The following RPL35 variants were observed in gnomAD, a reference collection of about 807,000 sequenced individuals.
RPL35 encodes the protein large ribosomal subunit protein uL29.
RPL35 carries 2 observed loss-of-function variants against 15.6 expected under a neutral mutation model. The ratio of observed to expected loss-of-function variants is 0.13; its 90% CI spans 0.05 to 0.40. The LOEUF (loss-of-function observed/expected upper bound fraction) is 0.40. Among genes scored for constraint, RPL35 ranks in the 10% least tolerant of loss-of-function variants. RPL35 has a pLI of 0.99. For missense variants in RPL35, 111 were observed against 164.7 expected (o/e 0.67, Z 1.79); for synonymous variants, 93 against 67.9 (o/e 1.37, Z -1.82).
chr9:124,858,301 G>A lies in RPL35; in HGVS notation c.223-234C>T, dbSNP rs763382229. ...CTACTGGGCTGAGTGTCCAAGTCTT[G>A]GCAAAGCTGTGGAAGAGCCGGGGCT... is the stretch of plus-strand genomic sequence containing the variant. On this transcript the variant is annotated intron_variant, in intron 3 of 3. Transcript: ENST00000348462. 50 of 617,068 alleles carry A rather than the reference G, an allele frequency of 8.1e-5. No homozygotes were observed. In the South Asian group the frequency reaches 9.0e-4, roughly 11 times the overall value. 38.2% of individuals were successfully genotyped at this position (617,068 alleles called of 1,614,324 possible).
At chr9:124,858,142 AG>A in intron 3 of RPL35, 75 bp from the exon 4 acceptor site, 1 of 1,507,364 alleles carries the variant, frequency 6.6e-7, no homozygotes, top group Non-Finnish European at 9.0e-7. Flanking sequence ...GGGGCTGGGG[AG>A]GGCCATCCAG....
rs112248677 is a variant in RPL35 at position 124,861,300 on chromosome 9, G to C, written c.140+119C>G. On this transcript the variant is annotated intron_variant, in intron 2 of 3. Transcript: ENST00000348462. ...ACAACGGGTCTCCCATGCGCGCCAG[G>C]ATGCACGGAGTGGGCATCTAAGCGG... 8 of 1,288,200 alleles carry C rather than the reference G, an allele frequency of 6.2e-6. No homozygotes were observed. The African/African-American group carries it at 8.9e-5, about 14-fold the overall frequency. 79.8% of individuals were successfully genotyped at this position (1,288,200 alleles called of 1,614,324 possible).
intron 1 of RPL35, 157 bp downstream of exon 1, chr9:124,861,753 G>T: frequency 1.5e-6 from 2 of 1,337,454 alleles, no homozygotes; most frequent in Non-Finnish European, 2.0e-6. Context: ...CTCTCCCGGC[G>T]CCAAGCGAAG....
At chr9:124,860,516 C>T (rs1829180570) in intron 2 of RPL35, among the ~76,000 whole-genome samples, 1 of 152,126 alleles carries the variant, frequency 6.6e-6, no homozygotes, top group Non-Finnish European at 1.5e-5. Context: ...TCCCAGAACA[C>T]GAATTTATCC....
chr9:124,861,781 G>C, intron 1 of RPL35, 129 bp downstream of exon 1: 2 of 1,388,876 alleles, frequency 1.4e-6, no homozygotes, highest in South Asian at 2.8e-5. Flanking sequence ...TTGTGGTGGC[G>C]CCAGACCATT....
intron 1 of RPL35, 31 bp from the exon 2 acceptor site, chr9:124,861,586 G>C (rs761996040): frequency 1.9e-6 from 3 of 1,609,662 alleles, no homozygotes; most frequent in African/African-American, 1.3e-5. Flanking sequence ...GCCTCAGCCA[G>C]GCCGCGGGGC....
chr9:124,858,552 A>G (rs1829144550), intron 3 of RPL35: 1 of 713,652 alleles, frequency 1.4e-6, no homozygotes, highest in Admixed American at 2.0e-5. Flanking sequence ...ATGAACGTCC[A>G]GCCTCAGAGG....
chr9:124,857,977 T>G lies in RPL35; in HGVS notation c.313A>C (p.Lys105Gln), dbSNP rs556445890. 2.5e-6 allele frequency: 4 copies of G among 1,612,254 alleles called. No homozygotes were observed. The highest frequency in any genetic ancestry group is 1.3e-5 in the African/African-American group (1 of 74,984). ...LNKHEENLKT[K>Q]KQQRKERLYP... ...AGCCGCTCCTTCCGCTGCTGCTTCTTGGTCTTCAGGTTCTCCTCGTGCTTG... is the reference window on the plus strand; with the variant it reads ...AGCCGCTCCTTCCGCTGCTGCTTCTGGGTCTTCAGGTTCTCCTCGTGCTTG... Residue 105 changes from lysine (K) to glutamine (Q), a missense_variant, in exon 4 of 4, where the codon AAG becomes CAG. Coordinates refer to ENST00000348462, the MANE Select transcript of RPL35 (RefSeq NM_007209.4).
Position 124,860,219 on chromosome 9 carries a change from G to C in RPL35, c.186C>G (p.Asn62Lys). ...KSIARVLTVI[N>K]QTQKENLRKF... ...TCCTGAGGTTTTCTTTCTGAGTCTG[G>C]TTAATAACTGTGAGAACACGGGCAA... Residue 62 changes from asparagine (N) to lysine (K), a missense_variant, in exon 3 of 4, where the codon AAC becomes AAG. Transcript: ENST00000348462. 1 of 1,614,126 alleles carries C rather than the reference G, an allele frequency of 6.2e-7. No individual in the cohort carries two copies. The highest frequency in any genetic ancestry group is 8.5e-7 in the Non-Finnish European group (1 of 1,179,952).
chr9:124,861,454 T>C lies in RPL35; in HGVS notation c.105A>G (p.Lys35=), dbSNP rs1829195332. The change falls in exon 2 of 4, where the codon AAA becomes AAG. Residue 35 remains lysine (K), a synonymous_variant. Transcript: ENST00000348462. The part of the protein sequence containing the change: ...KVELSQLRVA[K]VTGGAASKLS... ...GCTTGGAGGCCGCACCGCCTGTCACTTTGGCGACGCGCAGCTGGGACAGCT... is the reference window on the plus strand; with the variant it reads ...GCTTGGAGGCCGCACCGCCTGTCACCTTGGCGACGCGCAGCTGGGACAGCT... The C allele has an allele frequency of 6.2e-7, 1 of 1,613,322 alleles. No homozygotes were observed. Among genetic ancestry groups the C allele is most frequent in the East Asian group, 2.2e-5 (1 of 44,832 alleles).
intron 3 of RPL35, among the ~76,000 whole-genome samples, chr9:124,859,708 C>T (rs1588036891): frequency 6.6e-6 from 1 of 152,328 alleles, no homozygotes; most frequent in Non-Finnish European, 1.5e-5. Context: ...GACACCTGTG[C>T]ACACCTCCCA....
chr9:124,861,260 T>A, intron 2 of RPL35, 159 bp downstream of exon 2: 2 of 888,154 alleles, frequency 2.3e-6, no homozygotes. Flanking sequence ...TCAAGGCAGG[T>A]AAGAGGCTAA....
At chr9:124,861,208 A>G in intron 2 of RPL35, 1 of 597,366 alleles carries the variant, frequency 1.7e-6, no homozygotes, top group South Asian at 2.2e-5. Context: ...CAGCATTAAG[A>G]TGGGTCTCCG....
At chr9:124,861,059 C>T (rs1829188972) in intron 2 of RPL35, 1 of 215,092 alleles carries the variant, frequency 4.6e-6, no homozygotes. Flanking sequence ...ATGTTCCTTT[C>T]ACAAGTCTCC....
chr9:124,861,243 C>G, intron 2 of RPL35, 176 bp downstream of exon 2: 1 of 770,692 alleles, frequency 1.3e-6, no homozygotes, highest in Non-Finnish European at 2.1e-6. Context: ...GCACAAGGAC[C>G]GCAAGGTCAA....
intron 3 of RPL35, among the ~76,000 whole-genome samples, chr9:124,858,725 C>T (rs1236991238): frequency 6.6e-6 from 1 of 152,236 alleles, no homozygotes; most frequent in Non-Finnish European, 1.5e-5. Flanking sequence ...ACTGGTCTCT[C>T]CTGTGTTCTG....
intron 2 of RPL35, chr9:124,860,982 C>A (rs948239483): frequency 1.2e-5 from 2 of 165,804 alleles, no homozygotes; most frequent in South Asian, 1.3e-4. Context: ...CAGGCCTGTA[C>A]CACCACACCC....
chr9:124,861,188 G>A, intron 2 of RPL35: 1 of 529,634 alleles, frequency 1.9e-6, no homozygotes, highest in Admixed American at 3.6e-5. Flanking sequence ...GTCCGGGTAG[G>A]CTTTGAAGGC....
At chr9:124,860,460 G>A (rs1030892227) in intron 2 of RPL35, among the ~76,000 whole-genome samples, 196 bp from the exon 3 acceptor site, 3 of 152,178 alleles carry the variant, frequency 2.0e-5, no homozygotes, top group Admixed American at 2.0e-4. Context: ...GCTTTATGAG[G>A]AAGTGCAGGC....
Sources: gnomAD v4.1 joint callset for allele counts (sites outside exome capture counted in the v4.1 genomes callset) on GRCh38, gnomAD v4.1.1 for gene constraint, MANE v1.5 for transcripts, NCBI Gene and HGNC (gene_info 2026-07-23, HGNC 2026-07-21) for gene names.